ZFHX3: variants seen among roughly 807,000 people sequenced by gnomAD.
The protein encoded by ZFHX3 is zinc finger homeobox 3.
Under a neutral mutation model 279.1 loss-of-function variants are expected in ZFHX3, and 42 were observed. The observed-to-expected ratio is 0.15, with a 90% confidence interval of 0.12 to 0.19. The LOEUF (loss-of-function observed/expected upper bound fraction) is 0.19. ZFHX3 is among the 10% of genes least tolerant of loss of function. The pLI, the probability that ZFHX3 is intolerant of heterozygous loss-of-function variation, is 1.00. For synonymous variants in ZFHX3, 2,293 were observed against 1,957.8 expected (o/e 1.17, Z -4.52); for missense variants, 4,981 against 4,754.0 (o/e 1.05, Z -1.40).
chr16:73,319,413 C>T (rs972071638), intron 3 of ZFHX3, among the ~76,000 whole-genome samples: 6 of 152,080 alleles, frequency 3.9e-5, no homozygotes, highest in Admixed American at 6.6e-5. Flanking sequence ...GGAGAATCCA[C>T]ATCTTTAATT....
intron 3 of ZFHX3, among the ~76,000 whole-genome samples, chr16:73,322,225 G>C (rs1037240218): frequency 7.9e-5 from 12 of 151,816 alleles, no homozygotes; most frequent in African/African-American, 2.7e-4. Context: ...CCCAGAGGCA[G>C]ATGAAATCAG....
At chr16:73,084,266 T>G (rs549027112) in intron 8 of ZFHX3, among the ~76,000 whole-genome samples, 28 of 152,136 alleles carry the variant, frequency 1.8e-4, no homozygotes, top group Non-Finnish European at 3.5e-4. Flanking sequence ...GAGAAAGAAA[T>G]AAAGTGCATC....
chr16:73,281,802 C>T (rs890592296), intron 4 of ZFHX3, among the ~76,000 whole-genome samples: 15 of 151,996 alleles, frequency 9.9e-5, no homozygotes, highest in Non-Finnish European at 1.8e-4. Flanking sequence ...CTCAATTAAG[C>T]GGTTTAAGAA....
chr16:73,162,074 C>T (rs899618527), intron 5 of ZFHX3, among the ~76,000 whole-genome samples: 1 of 152,182 alleles, frequency 6.6e-6, no homozygotes, highest in Admixed American at 6.5e-5. Flanking sequence ...AGCTTAATGA[C>T]TTTATAGAGC....
chr16:72,805,134 C>T (rs1272853668), intron 7 of ZFHX3, among the ~76,000 whole-genome samples: 5 of 151,980 alleles, frequency 3.3e-5, no homozygotes, highest in Admixed American at 6.5e-5. Flanking sequence ...TGCACCACCA[C>T]GCCCAGCTAT....
chr16:73,269,777 C>G (rs1337935041), intron 4 of ZFHX3, among the ~76,000 whole-genome samples: 1 of 151,000 alleles, frequency 6.6e-6, no homozygotes, highest in Non-Finnish European at 1.5e-5. Flanking sequence ...GAGACGGAGT[C>G]TCACTCTGTC....
At chr16:72,908,340 G>C (rs2039236171) in intron 3 of ZFHX3, among the ~76,000 whole-genome samples, 1 of 152,196 alleles carries the variant, frequency 6.6e-6, no homozygotes, top group African/African-American at 2.4e-5. Flanking sequence ...TACCTCACCA[G>C]GGGCCATGAG....
At chr16:73,745,049 C>T (rs759810088) in intron 1 of ZFHX3, among the ~76,000 whole-genome samples, 1 of 152,098 alleles carries the variant, frequency 6.6e-6, no homozygotes, top group Non-Finnish European at 1.5e-5. Flanking sequence ...TTTTGACAAC[C>T]TCTCAGAAAT....
At chr16:73,644,702 T>C (rs112470498) in intron 2 of ZFHX3, among the ~76,000 whole-genome samples, 14 of 151,734 alleles carry the variant, frequency 9.2e-5, no homozygotes, top group African/African-American at 3.4e-4. Flanking sequence ...ACCTCAGCAG[T>C]TTCCAGTATA....
chr16:73,882,718 C>G (rs1248531129), intron 1 of ZFHX3, among the ~76,000 whole-genome samples: 1 of 152,114 alleles, frequency 6.6e-6, no homozygotes, highest in Non-Finnish European at 1.5e-5. Context: ...CCCATTTTCC[C>G]CTTTCCAGCC....
At chr16:73,653,850 A>G (rs945230933) in intron 2 of ZFHX3, among the ~76,000 whole-genome samples, 1 of 152,156 alleles carries the variant, frequency 6.6e-6, no homozygotes, top group South Asian at 2.1e-4. Context: ...AAATATGAAG[A>G]ATGAAACAGA....
At chr16:73,084,281 C>A (rs987985053) in intron 8 of ZFHX3, among the ~76,000 whole-genome samples, 1 of 152,240 alleles carries the variant, frequency 6.6e-6, no homozygotes, top group South Asian at 2.1e-4. Flanking sequence ...TGCATCCAAA[C>A]TGGAAAGGAA....
At chr16:72,868,004 A>G (rs2038064965) in intron 4 of ZFHX3, among the ~76,000 whole-genome samples, 1 of 152,244 alleles carries the variant, frequency 6.6e-6, no homozygotes, top group African/African-American at 2.4e-5. Context: ...GACGAATGGG[A>G]TAGATTCTGG....
Position 72,800,148 on chromosome 16 carries a change from G to A in ZFHX3, c.3865-19C>T. The A allele has an allele frequency of 3.1e-6, 5 of 1,602,892 alleles. No individual in the cohort carries two copies. The highest frequency in any genetic ancestry group is 4.3e-6 in the Non-Finnish European group (5 of 1,169,934). On this transcript the variant is annotated intron_variant, in intron 7 of 9. Coordinates refer to ENST00000268489, the MANE Select transcript of ZFHX3 (RefSeq NM_006885.4). ...TGGTCACCTGAGGAGCAAGAGCAAG[G>A]AGAGTCAAATGGAGAGGAAAGCGAC...
intron 1 of ZFHX3, among the ~76,000 whole-genome samples, chr16:73,846,561 G>T (rs972727353): frequency 1.3e-5 from 2 of 152,264 alleles, no homozygotes; most frequent in African/African-American, 4.8e-5. Flanking sequence ...CTATAAACAC[G>T]CTAATGAATG....
intron 1 of ZFHX3, among the ~76,000 whole-genome samples, chr16:73,890,351 G>A (rs1402164141): frequency 6.6e-6 from 1 of 152,064 alleles, no homozygotes; most frequent in East Asian, 1.9e-4. Context: ...GTAGGGGGCA[G>A]CGAATGTTCC....
intron 1 of ZFHX3, among the ~76,000 whole-genome samples, chr16:73,759,238 G>A (rs1002188346): frequency 2.8e-4 from 43 of 152,256 alleles, no homozygotes; most frequent in South Asian, 8.3e-4. Context: ...ATGCTTTGCC[G>A]TCTTTAACAC....
chr16:73,656,338 G>A (rs887823644), intron 2 of ZFHX3, among the ~76,000 whole-genome samples: 2 of 152,176 alleles, frequency 1.3e-5, no homozygotes, highest in African/African-American at 4.8e-5. Context: ...AAGTAACCAA[G>A]AGAATACATA....
intron 1 of ZFHX3, among the ~76,000 whole-genome samples, chr16:73,873,811 A>T (rs1324789686): frequency 3.9e-5 from 6 of 152,144 alleles, no homozygotes; most frequent in Non-Finnish European, 1.5e-5. Flanking sequence ...TGATAAGAGG[A>T]GGAAGGCTAA....
Sources: allele counts gnomAD v4.1 joint callset (sites outside exome capture counted in the v4.1 genomes callset), GRCh38; gene constraint gnomAD v4.1.1; transcripts MANE v1.5; gene names NCBI Gene and HGNC (gene_info 2026-07-23, HGNC 2026-07-21).